Variants in PACRG observed in about 807,000 individuals in gnomAD.
PACRG encodes parkin coregulated gene protein.
Under a neutral mutation model 29.7 loss-of-function variants are expected in PACRG, and 29 were observed. The ratio of observed to expected loss-of-function variants is 0.98; its 90% confidence interval spans 0.73 to 1.33. PACRG has a LOEUF of 1.33. PACRG is among the 40% of genes most tolerant of loss of function. The pLI is 0.00. For missense variants in PACRG, 279 were observed against 316.2 expected, an observed-to-expected ratio of 0.88 and a Z score of 0.89; for synonymous variants, 116 against 118.7, an observed-to-expected ratio of 0.98 and a Z score of 0.15.
At chr6:162,802,015 G>C (rs1785920977) in intron 1 of PACRG, among the ~76,000 whole-genome samples, 1 of 152,050 alleles carries the variant, frequency 6.6e-6, no homozygotes, top group South Asian at 2.1e-4. Context: ...CTCTGTAAAG[G>C]CTAAGTAACA....
At chr6:162,779,786 A>T (rs1242636470) in intron 1 of PACRG, among the ~76,000 whole-genome samples, 2 of 152,228 alleles carry the variant, frequency 1.3e-5, no homozygotes, top group African/African-American at 4.8e-5. Flanking sequence ...ATGGAACAGC[A>T]GTTCTTCTGA....
chr6:163,197,005 T>C (rs563993220), intron 4 of PACRG, among the ~76,000 whole-genome samples: 1 of 151,790 alleles, frequency 6.6e-6, no homozygotes. Context: ...GGGCAAATGA[T>C]AGAAAATATA....
At chr6:162,938,711 G>A (rs1202059454) in intron 2 of PACRG, among the ~76,000 whole-genome samples, 1 of 152,088 alleles carries the variant, frequency 6.6e-6, no homozygotes, top group Non-Finnish European at 1.5e-5. Context: ...GAGTAAGGTG[G>A]CATTGCATTG....
intron 2 of PACRG, among the ~76,000 whole-genome samples, chr6:162,881,964 G>GGGGA (rs1554297471): frequency 1.5e-5 from 2 of 131,346 alleles, no homozygotes; most frequent in African/African-American, 2.9e-5. Flanking sequence ...AGATGGGTGG[G>GGGGA]GGGGGGCACT....
intron 2 of PACRG, among the ~76,000 whole-genome samples, chr6:162,954,056 TAAAAC>T: frequency 6.6e-6 from 1 of 152,296 alleles, no homozygotes; most frequent in East Asian, 1.9e-4. Flanking sequence ...GAGTAGTAAA[TAAAAC>T]AATGTAAAAT....
intron 3 of PACRG, among the ~76,000 whole-genome samples, chr6:163,067,144 C>T (rs559795578): frequency 2.0e-5 from 3 of 152,066 alleles, no homozygotes; most frequent in Non-Finnish European, 4.4e-5. Flanking sequence ...CCTGCTGTAG[C>T]ACCGCTTCCC....
intron 2 of PACRG, among the ~76,000 whole-genome samples, chr6:163,004,650 G>C (rs546517669): frequency 6.6e-6 from 1 of 150,688 alleles, no homozygotes; most frequent in East Asian, 2.0e-4. Flanking sequence ...TTCAAGATGA[G>C]ATTTGGGTGG....
chr6:163,250,775 TTTTATAGCACAATTTATATTTATG>T (rs1282008013), intron 4 of PACRG, among the ~76,000 whole-genome samples: 1 of 152,048 alleles, frequency 6.6e-6, no homozygotes, highest in Non-Finnish European at 1.5e-5. Context: ...TTTATATTTA[TTTTATAGCACAATTTATATTTATG>T]TTTATAGCAG....
At chr6:162,739,358 G>A (rs755097818) in intron 1 of PACRG, among the ~76,000 whole-genome samples, 2 of 151,812 alleles carry the variant, frequency 1.3e-5, no homozygotes, top group African/African-American at 2.4e-5. Flanking sequence ...CAGTCCTTTT[G>A]TTATTGACAT....
intron 2 of PACRG, among the ~76,000 whole-genome samples, chr6:163,041,018 C>A (rs549535270): frequency 6.1e-4 from 93 of 152,246 alleles, no homozygotes; most frequent in Non-Finnish European, 1.3e-3. Flanking sequence ...TCTGTGTCCT[C>A]ACCCAAATCT....
At chr6:163,134,955 C>CT (rs1816869664) in intron 4 of PACRG, among the ~76,000 whole-genome samples, 1 of 152,176 alleles carries the variant, frequency 6.6e-6, no homozygotes, top group Non-Finnish European at 1.5e-5. Flanking sequence ...TATTTGACCT[C>CT]TCCTCCCTAC....
chr6:162,765,071 C>T (rs999156135), intron 1 of PACRG, among the ~76,000 whole-genome samples: 3 of 151,984 alleles, frequency 2.0e-5, no homozygotes, highest in Non-Finnish European at 4.4e-5. Context: ...CATTTATATT[C>T]ATATATACAT....
intron 2 of PACRG, among the ~76,000 whole-genome samples, chr6:163,013,598 G>A (rs1327130300): frequency 6.6e-6 from 1 of 152,144 alleles, no homozygotes; most frequent in African/African-American, 2.4e-5. Context: ...AAGGAATTCA[G>A]ATTTTGAGGA....
At chr6:163,267,223 C>T (rs771015599) in intron 4 of PACRG, among the ~76,000 whole-genome samples, 2 of 152,210 alleles carry the variant, frequency 1.3e-5, no homozygotes, top group Non-Finnish European at 2.9e-5. Context: ...CCCCTGCATT[C>T]TTCCATGAGC....
At chr6:162,829,655 G>C (rs4128611) in intron 2 of PACRG, among the ~76,000 whole-genome samples, 1 of 152,120 alleles carries the variant, frequency 6.6e-6, no homozygotes, top group African/African-American at 2.4e-5. Context: ...ATATTACCTA[G>C]CAATGACATA....
intron 4 of PACRG, among the ~76,000 whole-genome samples, chr6:163,289,748 G>A (rs1326092933): frequency 6.6e-6 from 1 of 150,780 alleles, no homozygotes; most frequent in Non-Finnish European, 1.5e-5. Flanking sequence ...CGGGAGTGGG[G>A]ACAGGGGGAG....
chr6:162,856,714 A>G (rs141040392), intron 2 of PACRG, among the ~76,000 whole-genome samples: 2 of 152,360 alleles, frequency 1.3e-5, no homozygotes, highest in East Asian at 1.9e-4. Flanking sequence ...ATTTTGCTTC[A>G]TAAGTCAAAT....
At position 162,861,739 on chromosome 6, in the gene PACRG, T is replaced by C. The variant is rs1485716072; in HGVS notation, c.291+47458T>C. On this transcript the variant is annotated intron_variant, in intron 2 of 4. Transcript: ENST00000366888. ...GCAGAAAGTCTTGGGTACTTAACTG[T>C]TGGATAAATCTTTTACTGAATCTCT... 5.9e-5 allele frequency among the ~76,000 whole-genome samples: 9 copies of C among 152,316 alleles called. 1 individual carries two copies. The South Asian group carries it at 1.5e-3, about 25-fold the overall frequency.
intron 1 of PACRG, among the ~76,000 whole-genome samples, chr6:162,756,908 T>C (rs1266879467): frequency 6.6e-6 from 1 of 152,154 alleles, no homozygotes. Flanking sequence ...TAATTGCATG[T>C]AAAAACTCTA....
Sources: allele counts gnomAD v4.1 joint callset (sites outside exome capture counted in the v4.1 genomes callset), GRCh38; gene constraint gnomAD v4.1.1; transcripts MANE v1.5; gene names NCBI Gene and HGNC (gene_info 2026-07-23, HGNC 2026-07-21).